The following CACNA1E variants were observed in gnomAD, a reference collection of about 807,000 sequenced individuals.
CACNA1E encodes the protein voltage-dependent R-type calcium channel subunit alpha-1E.
Under a neutral mutation model 259.2 loss-of-function variants are expected in CACNA1E, and 40 were observed. The ratio of observed to expected loss-of-function variants is 0.15; its 90% CI spans 0.12 to 0.20. The LOEUF is 0.20. Ranked by LOEUF, CACNA1E falls within the 10% of genes least tolerant of loss-of-function variation. The probability of loss-of-function intolerance (pLI) is 1.00; values close to 1 mark genes in which losing one functional copy is unlikely to be tolerated. For missense variants in CACNA1E, 1,874 were observed against 3,040.1 expected (o/e 0.62, Z 9.02); for synonymous variants, 1,104 against 1,138.5 (o/e 0.97, Z 0.61).
intron 7 of CACNA1E, among the ~76,000 whole-genome samples, chr1:181,705,379 A>G (rs1652694126): frequency 1.3e-5 from 2 of 152,258 alleles, no homozygotes; most frequent in Non-Finnish European, 2.9e-5. Flanking sequence ...TTTCTCATGT[A>G]AACTGCTGCA....
chr1:181,700,522 G>A (rs1652141317), intron 7 of CACNA1E, among the ~76,000 whole-genome samples: 1 of 152,196 alleles, frequency 6.6e-6, no homozygotes, highest in African/African-American at 2.4e-5. Context: ...TTCTGCCCTT[G>A]CAGAGCTTAC....
intron 21 of CACNA1E, among the ~76,000 whole-genome samples, chr1:181,735,679 C>T (rs546216759): frequency 2.0e-5 from 3 of 152,120 alleles, no homozygotes; most frequent in Non-Finnish European, 2.9e-5. Context: ...TAACCATGGC[C>T]GAGAAAAGCA....
chr1:181,801,078 C>T lies in CACNA1E; in HGVS notation c.*2244C>T, dbSNP rs1018517640. On this transcript the variant is annotated 3_prime_UTR_variant, in exon 48 of 48. Coordinates refer to ENST00000367573, the MANE Select transcript of CACNA1E (RefSeq NM_001205293.3). ...TGTATTGCTTTTAAAGTTTCCTCTG[C>T]TCAGCATCATTTCATGCCAAAGTGC... 6.5e-6 allele frequency: 1 copy of T among 152,686 alleles called. No individual in the cohort carries two copies. Among genetic ancestry groups the T allele is most frequent in the African/African-American group, 2.4e-5 (1 of 41,458 alleles). The allele number at this position is 152,686 out of a possible 1,614,324, so 9.5% of individuals were successfully genotyped here.
chr1:181,497,510 A>G lies in CACNA1E; in HGVS notation c.267-12967A>G, dbSNP rs150730532. On this transcript the variant is annotated intron_variant, in intron 1 of 47. Coordinates refer to ENST00000367573, the MANE Select transcript of CACNA1E (RefSeq NM_001205293.3). ...CCTCAATATGCATCCCTGAGAATGG[A>G]TGGAGGAAACTAACCTTTAATGAAT... 3.8e-3 allele frequency among the ~76,000 whole-genome samples: 586 copies of G among 152,284 alleles called. 2 individuals carry two copies. Among genetic ancestry groups the G allele is most frequent in the Middle Eastern group, 0.014 (4 of 294 alleles).
chr1:181,778,205 G>A (rs1660125397), intron 38 of CACNA1E, among the ~76,000 whole-genome samples: 1 of 152,214 alleles, frequency 6.6e-6, no homozygotes, highest in South Asian at 2.1e-4. Flanking sequence ...CAAAAGTAAT[G>A]TGAGCCAGTG....
intron 38 of CACNA1E, among the ~76,000 whole-genome samples, chr1:181,778,965 C>T (rs778732448): frequency 1.3e-5 from 2 of 152,224 alleles, no homozygotes; most frequent in African/African-American, 4.8e-5. Context: ...TGCAGAAAGC[C>T]GCTGACTTCC....
chr1:181,732,679 A>G lies in CACNA1E; in HGVS notation c.2593A>G (p.Ser865Gly). The G allele has an allele frequency of 3.3e-6, 5 of 1,528,318 alleles. No individual in the cohort carries two copies. The highest frequency in any genetic ancestry group is 4.4e-6 in the Non-Finnish European group (5 of 1,140,098). The allele number at this position is 1,528,318 out of a possible 1,614,324, so 94.7% of individuals were successfully genotyped here. ...CAAGGGGGATGGAGGGGACCGATCCAGTGCCCTGGACAACCAGAGGACCCC... is the reference window on the plus strand; with the variant it reads ...CAAGGGGGATGGAGGGGACCGATCCGGTGCCCTGGACAACCAGAGGACCCC... ...SLKGDGGDRS[S>G]ALDNQRTPLS... The change falls in exon 20 of 48, where the codon AGT becomes GGT. Residue 865 changes from serine (S) to glycine (G), a missense_variant. Coordinates refer to ENST00000367573, the MANE Select transcript of CACNA1E (RefSeq NM_001205293.3). This position sits in a 1 kb window ranked among gnomAD's most constrained non-coding sequence, Gnocchi z 5.5.
intron 6 of CACNA1E, among the ~76,000 whole-genome samples, chr1:181,599,737 G>A (rs1653555007): frequency 6.6e-6 from 1 of 152,204 alleles, no homozygotes; most frequent in African/African-American, 2.4e-5. Flanking sequence ...ATAAATTAGT[G>A]AATGATATAG....
intron 2 of CACNA1E, among the ~76,000 whole-genome samples, chr1:181,469,163 C>A (rs796730304): frequency 2.0e-5 from 3 of 152,040 alleles, no homozygotes; most frequent in African/African-American, 7.2e-5. Context: ...TTGAGCTGTG[C>A]AATGAATTTT....
intron 34 of CACNA1E, among the ~76,000 whole-genome samples, chr1:181,766,256 G>A (rs1659014191): frequency 6.6e-6 from 1 of 152,208 alleles, no homozygotes; most frequent in Admixed American, 6.5e-5. Flanking sequence ...AGCCCAGGAA[G>A]TTTTCCCAGC....
At chr1:181,709,985 C>T (rs1422690619) in intron 7 of CACNA1E, among the ~76,000 whole-genome samples, 1 of 152,150 alleles carries the variant, frequency 6.6e-6, no homozygotes, top group Non-Finnish European at 1.5e-5. Flanking sequence ...TTATTTATCC[C>T]CATTCTTTCA....
Position 181,785,327 on chromosome 1 carries a change from T to G in CACNA1E, c.5588T>G (p.Leu1863Arg). ...LLVPMPKASD[L>R]TVGKIYAAMM... The stretch of plus-strand genomic sequence containing the variant: ...ACATTTGTGTTTCTAGCCTCTGACC[T>G]GACTGTGGGCAAAATCTATGCAGCA... Residue 1863 changes from leucine (L) to arginine (R), a missense_variant, in exon 42 of 48, where the codon CTG becomes CGG. Coordinates refer to ENST00000367573, the MANE Select transcript of CACNA1E (RefSeq NM_001205293.3). 6.2e-7 allele frequency: 1 copy of G among 1,611,034 alleles called. No homozygotes were observed. The highest frequency in any genetic ancestry group is 8.5e-7 in the Non-Finnish European group (1 of 1,177,388).
intron 1 of CACNA1E, among the ~76,000 whole-genome samples, chr1:181,335,772 C>T (rs1398897267): frequency 6.6e-6 from 1 of 152,210 alleles, no homozygotes; most frequent in Non-Finnish European, 1.5e-5. Context: ...CATATGGACA[C>T]TTCAGGTTCC....
At chr1:181,551,100 G>A (rs1345400150) in intron 3 of CACNA1E, among the ~76,000 whole-genome samples, 1 of 152,166 alleles carries the variant, frequency 6.6e-6, no homozygotes, top group Non-Finnish European at 1.5e-5. Flanking sequence ...AGATTCCCCA[G>A]TGGCTCGTTC....
intron 6 of CACNA1E, among the ~76,000 whole-genome samples, chr1:181,581,201 A>T (rs1410813588): frequency 6.6e-6 from 1 of 152,242 alleles, no homozygotes; most frequent in African/African-American, 2.4e-5. Context: ...AAAAAAGAAC[A>T]AAAAGAAAAG....
At chr1:181,377,081 T>G (rs1655149639) in intron 1 of CACNA1E, among the ~76,000 whole-genome samples, 1 of 152,210 alleles carries the variant, frequency 6.6e-6, no homozygotes, top group Non-Finnish European at 1.5e-5. Context: ...CTGAGTGCCT[T>G]CTAGGTGCCT....
intron 6 of CACNA1E, among the ~76,000 whole-genome samples, chr1:181,633,052 G>T (rs1368902357): frequency 1.3e-5 from 2 of 152,130 alleles, no homozygotes; most frequent in African/African-American, 4.8e-5. Flanking sequence ...CTGCAAAAGA[G>T]AATTGCAAGC....
chr1:181,755,175 T>C, intron 27 of CACNA1E, 62 bp from the exon 28 acceptor site: 2 of 1,458,128 alleles, frequency 1.4e-6, no homozygotes, highest in Non-Finnish European at 1.9e-6. Context: ...CCAGCTCGGC[T>C]CTAGGCAAGT....
intron 2 of CACNA1E, among the ~76,000 whole-genome samples, chr1:181,422,012 C>A (rs942441550): frequency 2.0e-5 from 3 of 152,210 alleles, no homozygotes; most frequent in African/African-American, 7.2e-5. Context: ...GCCCACTCGC[C>A]TTTTATTTAG....
Sources: allele counts gnomAD v4.1 joint callset (sites outside exome capture counted in the v4.1 genomes callset), GRCh38; gene constraint gnomAD v4.1.1; non-coding constraint Gnocchi (gnomAD v3.1); transcripts MANE v1.5; gene names NCBI Gene and HGNC (gene_info 2026-07-23, HGNC 2026-07-21).